The following TUNAR variants were observed in gnomAD, a reference collection of about 807,000 sequenced individuals.
TUNAR encodes transmembrane neural differentiation associated intracellular calcium regulator.
At chr14:95,879,256 C>T (rs2139649594) in intron 2 of TUNAR, among the ~76,000 whole-genome samples, 1 of 152,312 alleles carries the variant, frequency 6.6e-6, no homozygotes, top group South Asian at 2.1e-4. Context: ...GGGCATGTCC[C>T]ACCTTTTTCC....
chr14:95,887,051 G>T (rs2139654300), intron 2 of TUNAR, among the ~76,000 whole-genome samples: 1 of 152,294 alleles, frequency 6.6e-6, no homozygotes, highest in South Asian at 2.1e-4. Flanking sequence ...TAGAATGGTT[G>T]TCAGGATCTG....
intron 2 of TUNAR, among the ~76,000 whole-genome samples, chr14:95,889,915 C>T (rs1177819763): frequency 6.7e-6 from 1 of 150,070 alleles, no homozygotes; most frequent in East Asian, 2.0e-4. Context: ...TTTCACGAGG[C>T]CTACCTAGTC....
intron 2 of TUNAR, among the ~76,000 whole-genome samples, chr14:95,916,259 C>A (rs1268440498): frequency 6.6e-6 from 1 of 152,144 alleles, no homozygotes; most frequent in African/African-American, 2.4e-5. Flanking sequence ...ACCACTACGT[C>A]GGCTTTGGGA....
Position 95,911,210 on chromosome 14 carries a change from C to T in TUNAR, c.13-11571C>T, listed in dbSNP as rs772731667. Among the ~76,000 whole-genome samples, 6 of 152,176 alleles carry T rather than the reference C, an allele frequency of 3.9e-5. No homozygotes were observed. The South Asian group carries it at 6.2e-4, about 16-fold the overall frequency. ...ACCATGCTGCTGCGCCAGCCCTACT[C>T]GATGTAGCATTCCGCACTTCCACAT... On this transcript the variant is annotated intron_variant, in intron 2 of 2. Transcript: ENST00000678517.
intron 2 of TUNAR, among the ~76,000 whole-genome samples, chr14:95,905,338 G>A (rs1357706293): frequency 1.3e-5 from 2 of 152,184 alleles, no homozygotes; most frequent in Non-Finnish European, 2.9e-5. Flanking sequence ...CTGCTCAGTT[G>A]CCATGTCTCC....
At chr14:95,879,748 C>G (rs1888948488) in intron 2 of TUNAR, among the ~76,000 whole-genome samples, 1 of 151,654 alleles carries the variant, frequency 6.6e-6, no homozygotes, top group South Asian at 2.1e-4. Flanking sequence ...AACTCTTCCA[C>G]ACCATACATA....
chr14:95,905,342 T>C (rs1371526746), intron 2 of TUNAR, among the ~76,000 whole-genome samples: 1 of 152,232 alleles, frequency 6.6e-6, no homozygotes, highest in East Asian at 1.9e-4. Flanking sequence ...TCAGTTGCCA[T>C]GTCTCCTTAT....
chr14:95,902,703 A>G (rs1386062116), intron 2 of TUNAR, among the ~76,000 whole-genome samples: 1 of 151,744 alleles, frequency 6.6e-6, no homozygotes, highest in Non-Finnish European at 1.5e-5. Context: ...GTAAAAGGAC[A>G]CTCTGGCCAC....
intron 2 of TUNAR, among the ~76,000 whole-genome samples, chr14:95,907,376 T>G (rs953881673): frequency 2.0e-5 from 3 of 152,234 alleles, no homozygotes; most frequent in African/African-American, 7.2e-5. Flanking sequence ...TTGCCAATTT[T>G]GTTTCCAGAA....
chr14:95,913,672 A>G (rs551422151), intron 2 of TUNAR, among the ~76,000 whole-genome samples: 1 of 152,276 alleles, frequency 6.6e-6, no homozygotes, highest in South Asian at 2.1e-4. Flanking sequence ...CATCTTGGAT[A>G]TCGCTCAGCC....
At chr14:95,879,791 C>T (rs191021501) in intron 2 of TUNAR, among the ~76,000 whole-genome samples, 1 of 151,976 alleles carries the variant, frequency 6.6e-6, no homozygotes, top group Admixed American at 6.5e-5. Context: ...GTTTTAAGTG[C>T]CTTGGATTTC....
chr14:95,887,224 C>T (rs570002795), intron 2 of TUNAR, among the ~76,000 whole-genome samples: 92 of 152,308 alleles, frequency 6.0e-4, no homozygotes, highest in East Asian at 5.8e-4. Context: ...AGATCATCAT[C>T]GCTGGCTCCA....
chr14:95,887,998 T>G (rs1056953433), intron 2 of TUNAR, among the ~76,000 whole-genome samples: 2 of 152,218 alleles, frequency 1.3e-5, no homozygotes, highest in Non-Finnish European at 2.9e-5. Flanking sequence ...TTCAACAGGA[T>G]TTTGATGGCT....
At chr14:95,902,866 G>T (rs893643235) in intron 2 of TUNAR, among the ~76,000 whole-genome samples, 2 of 152,118 alleles carry the variant, frequency 1.3e-5, no homozygotes, top group African/African-American at 4.8e-5. Flanking sequence ...CTCTAAGCTG[G>T]ATTTCCTTAA....
At chr14:95,877,618 A>G (rs1467530135) in intron 2 of TUNAR, among the ~76,000 whole-genome samples, 4 of 152,270 alleles carry the variant, frequency 2.6e-5, no homozygotes, top group Admixed American at 2.0e-4. Context: ...CAAGGTCACA[A>G]GGTTAGGAAG....
At chr14:95,891,993 TATG>T (rs1306508931) in intron 2 of TUNAR, among the ~76,000 whole-genome samples, 1 of 152,242 alleles carries the variant, frequency 6.6e-6, no homozygotes, top group African/African-American at 2.4e-5. Flanking sequence ...ATTTTCCTCT[TATG>T]AAGACATTAG....
chr14:95,913,142 C>CCTT (rs753619020), intron 2 of TUNAR, among the ~76,000 whole-genome samples: 1 of 136,470 alleles, frequency 7.3e-6, no homozygotes, highest in African/African-American at 2.9e-5. Context: ...ATTTTCTTTC[C>CCTT]TTTTTTTTTT....
At chr14:95,884,113 C>T (rs1412650517) in intron 2 of TUNAR, among the ~76,000 whole-genome samples, 4 of 152,162 alleles carry the variant, frequency 2.6e-5, no homozygotes, top group Non-Finnish European at 4.4e-5. Flanking sequence ...CTCTTCACCA[C>T]GCTTCCCGCT....
At chr14:95,908,973 G>T (rs1889469740) in intron 2 of TUNAR, among the ~76,000 whole-genome samples, 2 of 152,126 alleles carry the variant, frequency 1.3e-5, no homozygotes, top group African/African-American at 4.8e-5. Flanking sequence ...TGGGCTGGAG[G>T]TCTGCACCAC....
Sources: allele counts gnomAD v4.1 joint callset (sites outside exome capture counted in the v4.1 genomes callset), GRCh38; gene constraint gnomAD v4.1.1; transcripts MANE v1.5; gene names NCBI Gene and HGNC (gene_info 2026-07-23, HGNC 2026-07-21).